Variants in TSPAN3 observed in about 807,000 individuals in gnomAD.
TSPAN3 encodes tetraspanin-3.
In TSPAN3, 9 loss-of-function variants were observed where a neutral mutation model predicts 31.1. That is an observed-to-expected ratio of 0.29 (90% CI 0.17 to 0.50). The LOEUF (loss-of-function observed/expected upper bound fraction) is 0.50. Among genes scored for constraint, TSPAN3 ranks in the 20% least tolerant of loss-of-function variants. TSPAN3 has a pLI of 0.98. For synonymous variants in TSPAN3, 129 were observed against 114.3 expected, an observed-to-expected ratio of 1.13 and a Z score of -0.82; for missense variants, 252 against 313.5, an observed-to-expected ratio of 0.80 and a Z score of 1.48.
Position 77,046,815 on chromosome 15 carries a change from G to A in TSPAN3, c.*20C>T. The stretch of plus-strand genomic sequence containing the variant: ...TTCCAAATCAGAACAAGACCAAAAA[G>A]CTCAGGCTTGAGTTGTCAACTATGC... On this transcript the variant is annotated 3_prime_UTR_variant, in exon 7 of 7. Transcript: ENST00000267970. 6.4e-7 allele frequency: 1 copy of A among 1,562,836 alleles called. No individual in the cohort carries two copies. The highest frequency in any genetic ancestry group is 1.7e-4 in the Middle Eastern group (1 of 5,994).
In TSPAN3 at chr15:77,056,099, C is replaced by T; in HGVS notation, c.220G>A (p.Ala74Thr). ...LFIIGLIGCC[A>T]TIRESRCGLA... ...CCACAGCGACTTTCCCGGATTGTGG[C>T]ACAGCAGCCAATTAGCCCAATGATG... The change falls in exon 2 of 7, where the codon GCC becomes ACC. Residue 74 changes from alanine (A) to threonine (T), a missense_variant. Transcript: ENST00000267970. The T allele has an allele frequency of 6.2e-7, 1 of 1,610,982 alleles. No individual in the cohort carries two copies. The highest frequency in any genetic ancestry group is 2.2e-5 in the East Asian group (1 of 44,880).
intron 6 of TSPAN3, among the ~76,000 whole-genome samples, chr15:77,048,670 T>C (rs533349812): frequency 2.7e-4 from 41 of 152,268 alleles, no homozygotes; most frequent in African/African-American, 7.9e-4. Context: ...TCCAACAACA[T>C]ACTTGGAAAC....
At chr15:77,048,038 G>A (rs1026860982) in intron 6 of TSPAN3, among the ~76,000 whole-genome samples, 6 of 152,212 alleles carry the variant, frequency 3.9e-5, no homozygotes, top group Middle Eastern at 3.4e-3. Context: ...CCTATATTCT[G>A]CCCATTCGGG....
At chr15:77,054,675 TCCTGTAAGATA>T (rs1439882707) in intron 3 of TSPAN3, 1 of 154,496 alleles carries the variant, frequency 6.5e-6, no homozygotes, top group Non-Finnish European at 1.4e-5. Context: ...ACTCTGAAGC[TCCTGTAAGATA>T]CTTTTAGGAC....
At chr15:77,068,358 C>T (rs1280491247) in intron 1 of TSPAN3, 3 of 152,190 alleles carry the variant, frequency 2.0e-5, no homozygotes, top group African/African-American at 4.8e-5. Flanking sequence ...AAATAACTTT[C>T]TTCACTGGAA....
rs2076677280 is a variant in TSPAN3 at position 77,044,423 on chromosome 15, G to C, written c.*2412C>G. On this transcript the variant is annotated 3_prime_UTR_variant, in exon 7 of 7. Transcript: ENST00000267970. ...AACACAGACAACATCCCCTTCTAGT[G>C]GTTCCCAGGCAAGAGAAAAAGGCAT... The C allele has an allele frequency of 1.3e-5, 2 of 152,268 alleles. No individual in the cohort carries two copies. The highest frequency in any genetic ancestry group is 2.9e-5 in the Non-Finnish European group (2 of 68,060). The allele number at this position is 152,268 out of a possible 1,614,324, so 9.4% of individuals were successfully genotyped here.
At chr15:77,055,415 T>C (rs564264349) in intron 3 of TSPAN3, 1 of 169,254 alleles carries the variant, frequency 5.9e-6, no homozygotes, top group Non-Finnish European at 1.3e-5. Flanking sequence ...GACCAAAGCA[T>C]TTTTTAAAGA....
At chr15:77,048,391 C>T (rs1386056644) in intron 6 of TSPAN3, among the ~76,000 whole-genome samples, 2 of 151,972 alleles carry the variant, frequency 1.3e-5, no homozygotes, top group East Asian at 1.9e-4. Context: ...CCCCACACTC[C>T]TTTCAATTGG....
chr15:77,055,680 A>G, intron 3 of TSPAN3, 109 bp downstream of exon 3: 1 of 858,406 alleles, frequency 1.2e-6, no homozygotes, highest in Non-Finnish European at 1.8e-6. Flanking sequence ...AGATTAAACA[A>G]GTAAGGCAAA....
chr15:77,056,572 G>C (rs528089893), intron 1 of TSPAN3, among the ~76,000 whole-genome samples: 1 of 151,980 alleles, frequency 6.6e-6, no homozygotes, highest in Non-Finnish European at 1.5e-5. Flanking sequence ...CATCCAATAC[G>C]GATCAGTATG....
intron 1 of TSPAN3, among the ~76,000 whole-genome samples, chr15:77,062,476 T>C (rs2076806530): frequency 6.6e-6 from 1 of 152,212 alleles, no homozygotes; most frequent in Admixed American, 6.5e-5. Context: ...AAAGCTACTC[T>C]TACCAAGAAT....
At chr15:77,068,282 T>A (rs951255081) in intron 1 of TSPAN3, 3 of 152,340 alleles carry the variant, frequency 2.0e-5, no homozygotes, top group African/African-American at 7.2e-5. Context: ...ATAAAGCATA[T>A]TTTTACTAAA....
In TSPAN3 at chr15:77,044,993, C is replaced by A. The variant is rs1259788097; in HGVS notation, c.*1842G>T. ...CTCTGAAATCACATTCTGGTAACTT[C>A]CACTTTGTGAAAAGGAGTTAGTTTT... is the stretch of plus-strand genomic sequence containing the variant. On this transcript the variant is annotated 3_prime_UTR_variant, in exon 7 of 7. Transcript: ENST00000267970. The A allele has an allele frequency of 1.3e-5, 2 of 152,208 alleles. No homozygotes were observed. The highest frequency in any genetic ancestry group is 2.9e-5 in the Non-Finnish European group (2 of 68,056). 9.4% of individuals were successfully genotyped at this position (152,208 alleles called of 1,614,324 possible). A position where few individuals can be genotyped will look rare whatever the true frequency, so the allele number is the denominator to read the frequency against.
In TSPAN3 at chr15:77,056,187, G is replaced by T; in HGVS notation, c.132C>A (p.Phe44Leu). 1 of 1,613,850 alleles carries T rather than the reference G, an allele frequency of 6.2e-7. No individual in the cohort carries two copies. The highest frequency in any genetic ancestry group is 8.5e-7 in the Non-Finnish European group (1 of 1,179,980). Residue 44 changes from phenylalanine to leucine, a missense_variant, in exon 2 of 7, where the codon TTC (phenylalanine) becomes TTA (leucine). By Grantham distance (22) the Phe-to-Leu change is conservative. Transcript: ENST00000267970. Reference sequence around the variant, plus strand: ...GGATGAGCGTGTACACATCTTCAAAGAAGTGGTCATAGTCATCATAAGTGA... The same window carrying T: ...GGATGAGCGTGTACACATCTTCAAATAAGTGGTCATAGTCATCATAAGTGA... The part of the protein sequence containing the change: ...VFITYDDYDH[F>L]FEDVYTLIPA...
intron 6 of TSPAN3, among the ~76,000 whole-genome samples, chr15:77,049,739 G>C (rs946557064): frequency 6.6e-6 from 1 of 152,070 alleles, no homozygotes; most frequent in South Asian, 2.1e-4. Context: ...TAGAGCAAGA[G>C]TCACCAAACA....
At position 77,046,717 on chromosome 15, in the gene TSPAN3, C is replaced by G; in HGVS notation, c.*118G>C. The G allele has an allele frequency of 4.1e-6, 3 of 729,546 alleles. No homozygotes were observed. Among genetic ancestry groups the G allele is most frequent in the Non-Finnish European group, 6.9e-6 (3 of 433,732 alleles). The allele number at this position is 729,546 out of a possible 1,614,324, so 45.2% of individuals were successfully genotyped here. ...CACATGAAAAGCCAAGCTGCTCTGT[C>G]CAACACCAGTGTACATGTGCTTTAA... On this transcript the variant is annotated 3_prime_UTR_variant, in exon 7 of 7. Transcript: ENST00000267970.
chr15:77,059,483 T>C (rs529642375), intron 1 of TSPAN3, among the ~76,000 whole-genome samples: 11 of 152,338 alleles, frequency 7.2e-5, no homozygotes, highest in African/African-American at 1.9e-4. Context: ...TTGTGTGATA[T>C]ATATTCACAC....
At chr15:77,048,854 CTA>C (rs1568538397) in intron 6 of TSPAN3, among the ~76,000 whole-genome samples, 1 of 152,174 alleles carries the variant, frequency 6.6e-6, no homozygotes, top group East Asian at 1.9e-4. Flanking sequence ...GTAAAATGTT[CTA>C]TGATATACCA....
rs902205886 is a variant in TSPAN3, at chr15:77,051,386, G to C, written c.669+999C>G. Among the ~76,000 whole-genome samples, 24 of 151,922 alleles carry C rather than the reference G, an allele frequency of 1.6e-4. 1 individual carries two copies. On this transcript the variant is annotated intron_variant, in intron 6 of 6. Coordinates refer to ENST00000267970, the MANE Select transcript of TSPAN3 (RefSeq NM_005724.6). ...CTACTAAAAATACAAAAATTAGCTG[G>C]GCATGGTAGCGGGAACCTGTAATCC...
Sources: gnomAD v4.1 joint callset for allele counts (sites outside exome capture counted in the v4.1 genomes callset) on GRCh38, gnomAD v4.1.1 for gene constraint, MANE v1.5 for transcripts, NCBI Gene and HGNC (gene_info 2026-07-23, HGNC 2026-07-21) for gene names.